Variants in SRRM4 observed in about 807,000 individuals in gnomAD.
SRRM4 encodes the protein serine/arginine repetitive matrix protein 4.
In SRRM4, 33 loss-of-function variants were observed where a neutral mutation model predicts 68.9. That is an observed-to-expected ratio of 0.48 (90% CI 0.36 to 0.64). The LOEUF is 0.64. SRRM4 is among the 30% of genes least tolerant of loss of function. The probability of loss-of-function intolerance (pLI) is 0.00; values close to 1 mark genes in which losing one functional copy is unlikely to be tolerated. For synonymous variants in SRRM4, 318 were observed against 318.8 expected (o/e 1.00, Z 0.03); for missense variants, 817 against 827.1 (o/e 0.99, Z 0.15).
chr12:119,142,312 G>A (rs1954370358), intron 8 of SRRM4, among the ~76,000 whole-genome samples: 1 of 152,178 alleles, frequency 6.6e-6, no homozygotes, highest in African/African-American at 2.4e-5. Flanking sequence ...CTGTTTTCTG[G>A]TGATGATGGA....
At chr12:119,152,846 A>G in intron 10 of SRRM4, among the ~76,000 whole-genome samples, 1 of 152,218 alleles carries the variant, frequency 6.6e-6, no homozygotes, top group Non-Finnish European at 1.5e-5. Context: ...GACTAGGAGG[A>G]GCATAAGGAT....
At chr12:119,101,853 A>G (rs1287045042) in intron 1 of SRRM4, among the ~76,000 whole-genome samples, 1 of 151,962 alleles carries the variant, frequency 6.6e-6, no homozygotes, top group African/African-American at 2.4e-5. Context: ...ATCTAGTCCA[A>G]ATAGAATAAG....
At position 119,145,406 on chromosome 12, in the gene SRRM4, A is replaced by C. The variant is rs1592916178; in HGVS notation, c.797A>C (p.Asp266Ala). 1 of 1,604,976 alleles carries C rather than the reference A, an allele frequency of 6.2e-7. No homozygotes were observed. Among genetic ancestry groups the C allele is most frequent in the South Asian group, 1.1e-5 (1 of 89,194 alleles). Reference sequence around the variant, plus strand: ...ATCACTGGGTCGGGGTCTGCTGCTGACCTCTTTACCAAAACAGCCAGCCCG... The same window carrying C: ...ATCACTGGGTCGGGGTCTGCTGCTGCCCTCTTTACCAAAACAGCCAGCCCG... ...GVITGSGSAA[D>A]LFTKTASPLT... is the part of the protein sequence containing the mutation. Residue 266 changes from aspartate (D) to alanine (A), a missense_variant, in exon 9 of 13, where the codon GAC (aspartate) becomes GCC (alanine). Transcript: ENST00000267260.
intron 8 of SRRM4, among the ~76,000 whole-genome samples, chr12:119,140,688 A>G (rs1346966670): frequency 6.6e-6 from 1 of 152,240 alleles, no homozygotes; most frequent in Non-Finnish European, 1.5e-5. Flanking sequence ...AAGACCCAGC[A>G]CAGCTTGTTT....
At chr12:119,086,113 T>G (rs1412663676) in intron 1 of SRRM4, among the ~76,000 whole-genome samples, 1 of 152,110 alleles carries the variant, frequency 6.6e-6, no homozygotes, top group Non-Finnish European at 1.5e-5. Context: ...GTTTGAACAA[T>G]GGATTACAGG....
Position 119,156,814 on chromosome 12 carries a change from C to T in SRRM4, c.*16C>T. On this transcript the variant is annotated 3_prime_UTR_variant, in exon 13 of 13. Transcript: ENST00000267260. ...GAGGCGCTAAGTGCCCCTGAGCCAG[C>T]TGCCCGTGGGGGCCCCTTCGCGCTG... is the stretch of plus-strand genomic sequence containing the variant. The T allele has an allele frequency of 3.3e-6, 5 of 1,509,806 alleles. No individual in the cohort carries two copies. Among genetic ancestry groups the T allele is most frequent in the Middle Eastern group, 2.0e-4 (1 of 5,096 alleles). The allele number at this position is 1,509,806 out of a possible 1,614,324, so 93.5% of individuals were successfully genotyped here. A position where few individuals can be genotyped will look rare whatever the true frequency, so the allele number is the denominator to read the frequency against.
intron 1 of SRRM4, among the ~76,000 whole-genome samples, chr12:119,082,710 C>A (rs527536740): frequency 2.0e-5 from 3 of 152,336 alleles, no homozygotes; most frequent in African/African-American, 7.2e-5. Flanking sequence ...CCAGGGGAAG[C>A]AGTTCTGGCA....
intron 1 of SRRM4, among the ~76,000 whole-genome samples, chr12:119,048,832 G>C (rs141963065): frequency 0.014 from 2,205 of 152,280 alleles, 48 homozygotes; most frequent in African/African-American, 0.049. Context: ...GCTGAGGCAG[G>C]AGAATCACTT....
intron 1 of SRRM4, among the ~76,000 whole-genome samples, chr12:119,023,894 C>T (rs1190169803): frequency 1.3e-5 from 2 of 152,102 alleles, no homozygotes; most frequent in Non-Finnish European, 2.9e-5. Context: ...TTTACTTACC[C>T]CTTCCCCTAC....
At chr12:119,061,708 T>C (rs1286724155) in intron 1 of SRRM4, among the ~76,000 whole-genome samples, 1 of 152,138 alleles carries the variant, frequency 6.6e-6, no homozygotes, top group Non-Finnish European at 1.5e-5. Flanking sequence ...TATAACTTAG[T>C]AGTTAAAAGT....
chr12:119,100,564 T>C lies in SRRM4; in HGVS notation c.132-1672T>C, dbSNP rs75530545. ...TGTATCTATTCCTCCATCTAGAATG[T>C]AAACATTCCGTAATCACAGGAGACA... On this transcript the variant is annotated intron_variant, in intron 1 of 12. Transcript: ENST00000267260. Among the ~76,000 whole-genome samples the C allele has an allele frequency of 5.9e-3, 901 of 152,246 alleles. 8 individuals are homozygous for C. The highest frequency in any genetic ancestry group is 0.021 in the African/African-American group (863 of 41,520).
intron 10 of SRRM4, among the ~76,000 whole-genome samples, chr12:119,152,947 A>G (rs1954448844): frequency 6.6e-6 from 1 of 152,218 alleles, no homozygotes; most frequent in East Asian, 1.9e-4. Context: ...TTAGAGGCAA[A>G]CAGTCCTGGG....
intron 1 of SRRM4, among the ~76,000 whole-genome samples, chr12:118,986,478 A>T (rs1334389603): frequency 6.6e-6 from 1 of 152,178 alleles, no homozygotes. Flanking sequence ...ATGTTCAGTG[A>T]ATGTTGGATG....
At chr12:118,984,055 G>A (rs138975649) in intron 1 of SRRM4, among the ~76,000 whole-genome samples, 27 of 152,236 alleles carry the variant, frequency 1.8e-4, no homozygotes, top group South Asian at 6.2e-4. Context: ...TGTAATAGGC[G>A]TGGCCTCTCT....
At chr12:119,116,810 A>T (rs1954182678) in intron 3 of SRRM4, 127 bp from the exon 4 acceptor site, 1 of 651,676 alleles carries the variant, frequency 1.5e-6, no homozygotes, top group Non-Finnish European at 2.7e-6. Context: ...ATCAGCATGG[A>T]TATTATCTTT....
chr12:119,043,539 C>T lies in SRRM4; in HGVS notation c.132-58697C>T, dbSNP rs551683130. 2.6e-5 allele frequency among the ~76,000 whole-genome samples: 4 copies of T among 151,970 alleles called. No individual in the cohort carries two copies. The South Asian group carries it at 6.3e-4, about 24-fold the overall frequency. Reference sequence around the variant, plus strand: ...CACATCCTGCACATGTATCCCAGAACTTAATAAAATAAAATGAAATTGAAA... The same window carrying T: ...CACATCCTGCACATGTATCCCAGAATTTAATAAAATAAAATGAAATTGAAA... On this transcript the variant is annotated intron_variant, in intron 1 of 12. Transcript: ENST00000267260.
At chr12:119,094,630 C>A (rs1592895796) in intron 1 of SRRM4, among the ~76,000 whole-genome samples, 1 of 152,208 alleles carries the variant, frequency 6.6e-6, no homozygotes, top group African/African-American at 2.4e-5. Flanking sequence ...TTTTGTTCCA[C>A]TTTCCTGACC....
chr12:118,988,083 G>A (rs1047664334), intron 1 of SRRM4, among the ~76,000 whole-genome samples: 1 of 151,770 alleles, frequency 6.6e-6, no homozygotes, highest in East Asian at 1.9e-4. Context: ...ACATATTATT[G>A]TCTTAAGCAT....
intron 1 of SRRM4, among the ~76,000 whole-genome samples, chr12:119,009,188 G>A (rs75154193): frequency 0.031 from 4,741 of 152,262 alleles, 281 homozygotes; most frequent in African/African-American, 0.11. Flanking sequence ...TCCGGAGCGA[G>A]ATGCTAACAG....
Sources: allele counts gnomAD v4.1 joint callset (sites outside exome capture counted in the v4.1 genomes callset), GRCh38; gene constraint gnomAD v4.1.1; transcripts MANE v1.5; gene names NCBI Gene and HGNC (gene_info 2026-07-23, HGNC 2026-07-21).